PIAS1: variants seen among roughly 807,000 people sequenced by gnomAD.
PIAS1 encodes the protein E3 SUMO-protein ligase PIAS1.
Under a neutral mutation model 71.3 loss-of-function variants are expected in PIAS1, and 6 were observed. The observed-to-expected ratio is 0.08, with a 90% CI of 0.05 to 0.17. The LOEUF (loss-of-function observed/expected upper bound fraction) is 0.17, where lower values mean the gene tolerates loss of function less well. PIAS1 is among the 10% of genes least tolerant of loss of function. The pLI is 1.00. For missense variants in PIAS1, 555 were observed against 793.6 expected, an observed-to-expected ratio of 0.70 and a Z score of 3.61; for synonymous variants, 303 against 292.9, an observed-to-expected ratio of 1.03 and a Z score of -0.35.
chr15:68,061,375 A>G (rs544056260), intron 1 of PIAS1: 1 of 152,236 alleles, frequency 6.6e-6, no homozygotes, highest in South Asian at 2.1e-4. Flanking sequence ...GTTACTTTTG[A>G]TTCCCTCTAC....
intron 2 of PIAS1, among the ~76,000 whole-genome samples, chr15:68,134,966 G>A (rs1189463478): frequency 2.0e-5 from 1 of 50,632 alleles, no homozygotes; most frequent in African/African-American, 4.1e-5. Flanking sequence ...CGGCCGGGGG[G>A]GCTAACCCCC....
intron 1 of PIAS1, among the ~76,000 whole-genome samples, chr15:68,058,975 A>T (rs1358166806): frequency 7.3e-5 from 11 of 151,378 alleles, no homozygotes; most frequent in African/African-American, 2.7e-4. Context: ...TGTTTTATTA[A>T]ACTAGTCCCT....
chr15:68,059,727 A>G (rs937619313), intron 1 of PIAS1, among the ~76,000 whole-genome samples: 19 of 151,876 alleles, frequency 1.3e-4, no homozygotes, highest in African/African-American at 2.7e-4. Flanking sequence ...AAAAAAAAAA[A>G]AAAGAAAGCA....
chr15:68,107,839 A>G (rs907849207), intron 2 of PIAS1, among the ~76,000 whole-genome samples: 32 of 152,236 alleles, frequency 2.1e-4, no homozygotes, highest in African/African-American at 7.0e-4. Flanking sequence ...GTTCCTATAT[A>G]TACCACCAGT....
intron 8 of PIAS1, among the ~76,000 whole-genome samples, chr15:68,172,740 C>A (rs533026223): frequency 3.3e-5 from 5 of 152,326 alleles, no homozygotes; most frequent in African/African-American, 1.2e-4. Flanking sequence ...TGATGTGGTA[C>A]CTCCCTGTGC....
intron 1 of PIAS1, among the ~76,000 whole-genome samples, chr15:68,069,318 A>G (rs1052521292): frequency 2.6e-5 from 4 of 152,132 alleles, no homozygotes; most frequent in African/African-American, 9.7e-5. Context: ...AATCTTGCAA[A>G]CAAGCATTCT....
At chr15:68,126,713 C>T (rs1183171057) in intron 2 of PIAS1, among the ~76,000 whole-genome samples, 1 of 152,188 alleles carries the variant, frequency 6.6e-6, no homozygotes, top group Non-Finnish European at 1.5e-5. Flanking sequence ...GCATGAGCCA[C>T]CGCGCCTGGC....
chr15:68,129,697 T>G (rs942819688), intron 2 of PIAS1, among the ~76,000 whole-genome samples: 2 of 151,794 alleles, frequency 1.3e-5, no homozygotes, highest in Non-Finnish European at 2.9e-5. Context: ...TTGCAGACAT[T>G]GAAGTGGATT....
At chr15:68,087,492 A>G (rs1158369605) in intron 2 of PIAS1, among the ~76,000 whole-genome samples, 1 of 152,178 alleles carries the variant, frequency 6.6e-6, no homozygotes, top group African/African-American at 2.4e-5. Context: ...AGACTTCTAA[A>G]TGCTGGTTTG....
chr15:68,183,473 A>G (rs2093068725), intron 12 of PIAS1, among the ~76,000 whole-genome samples, 157 bp from the exon 13 acceptor site: 1 of 152,200 alleles, frequency 6.6e-6, no homozygotes, highest in African/African-American at 2.4e-5. Flanking sequence ...ATCTAAAGAA[A>G]GGAGAGACGT....
In PIAS1 at chr15:68,147,042, T is replaced by G. The variant is rs149035261; in HGVS notation, c.828+342T>G. Among the ~76,000 whole-genome samples the G allele has an allele frequency of 2.6e-4, 39 of 152,310 alleles. 1 individual carries two copies. The East Asian group carries it at 3.1e-3, about 12-fold the overall frequency. The stretch of plus-strand genomic sequence containing the variant: ...GCGTGTTACTTGATTTATTGATTGA[T>G]TCATTGGTATGTCAAAGAACATTTT... On this transcript the variant is annotated intron_variant, in intron 6 of 13. Transcript: ENST00000249636.
intron 8 of PIAS1, among the ~76,000 whole-genome samples, chr15:68,169,853 T>A (rs570930145): frequency 1.1e-4 from 16 of 152,212 alleles, no homozygotes; most frequent in Non-Finnish European, 2.2e-4. Context: ...CACAATCATA[T>A]TGTGTAGATC....
chr15:68,061,622 AT>A (rs1402549690), intron 1 of PIAS1, among the ~76,000 whole-genome samples: 1 of 152,244 alleles, frequency 6.6e-6, no homozygotes, highest in Non-Finnish European at 1.5e-5. Context: ...AAACGTTCCT[AT>A]TTTTGAAAAC....
intron 6 of PIAS1, among the ~76,000 whole-genome samples, chr15:68,148,671 C>G (rs1457927265): frequency 6.6e-6 from 1 of 152,224 alleles, no homozygotes; most frequent in East Asian, 1.9e-4. Flanking sequence ...TTGTGATCCA[C>G]CTGCCGTGGC....
Position 68,174,322 on chromosome 15 carries a change from C to G in PIAS1, c.1169+430C>G, listed in dbSNP as rs1343416814. On this transcript the variant is annotated intron_variant, in intron 9 of 13. Transcript: ENST00000249636. This position sits in a 1 kb window ranked among gnomAD's most constrained non-coding sequence, Gnocchi z 4.0. ...AGCCTATTTCTGGAGATTAGATCCACCTTCAGTCATGGTCTTCTTTTTCTT... is the reference window on the plus strand; with the variant it reads ...AGCCTATTTCTGGAGATTAGATCCAGCTTCAGTCATGGTCTTCTTTTTCTT... 3.3e-5 allele frequency among the ~76,000 whole-genome samples: 5 copies of G among 152,180 alleles called. No homozygotes were observed. Among genetic ancestry groups the G allele is most frequent in the African/African-American group, 1.2e-4 (5 of 41,452 alleles).
intron 2 of PIAS1, among the ~76,000 whole-genome samples, chr15:68,088,176 G>GTGTGTATATATATA (rs150997979): frequency 3.0e-4 from 22 of 72,994 alleles, no homozygotes; most frequent in African/African-American, 1.1e-3. Flanking sequence ...TTATGTGTGT[G>GTGTGTATATATATA]TATATATATA....
At position 68,167,343 on chromosome 15, in the gene PIAS1, A is replaced by G. The variant is rs918847786; in HGVS notation, c.1008+2539A>G. Reference sequence around the variant, plus strand: ...TGTTTTTACTCAAAAATAAAATTTAATAATACCTATATATCAAATTTATGG... The same window carrying G: ...TGTTTTTACTCAAAAATAAAATTTAGTAATACCTATATATCAAATTTATGG... On this transcript the variant is annotated intron_variant, in intron 8 of 13. Transcript: ENST00000249636. This position sits in a 1 kb window ranked among gnomAD's most constrained non-coding sequence, Gnocchi z 4.4. Among the ~76,000 whole-genome samples the G allele has an allele frequency of 2.6e-5, 4 of 151,982 alleles. No individual in the cohort carries two copies. Among genetic ancestry groups the G allele is most frequent in the African/African-American group, 7.2e-5 (3 of 41,446 alleles).
intron 7 of PIAS1, among the ~76,000 whole-genome samples, chr15:68,163,679 C>G (rs2092938770): frequency 6.6e-6 from 1 of 152,178 alleles, no homozygotes; most frequent in Non-Finnish European, 1.5e-5. Context: ...ACAGTAGACT[C>G]TGAAATTGTA....
chr15:68,081,328 A>G (rs1393064698), intron 1 of PIAS1, among the ~76,000 whole-genome samples: 1 of 152,198 alleles, frequency 6.6e-6, no homozygotes, highest in Non-Finnish European at 1.5e-5. Flanking sequence ...GACAAAAGGA[A>G]GCAAAGGGAA....
Sources: allele counts gnomAD v4.1 joint callset (sites outside exome capture counted in the v4.1 genomes callset), GRCh38; gene constraint gnomAD v4.1.1; non-coding constraint Gnocchi (gnomAD v3.1); transcripts MANE v1.5; gene names NCBI Gene and HGNC (gene_info 2026-07-23, HGNC 2026-07-21).